The following DPH1 variants were observed in gnomAD, a reference collection of about 807,000 sequenced individuals.
DPH1 encodes the protein diphthamide biosynthesis 1.
A neutral mutation model predicts 55.3 loss-of-function variants in DPH1; 59 were observed. The ratio of observed to expected loss-of-function variants is 1.07; its 90% CI spans 0.87 to 1.33. DPH1 has a LOEUF of 1.33. Ranked by LOEUF, DPH1 falls within the 40% of genes most tolerant of loss-of-function variation. DPH1 has a pLI of 0.00. For missense variants in DPH1, 628 were observed against 584.8 expected (o/e 1.07, Z -0.76); for synonymous variants, 238 against 235.5 (o/e 1.01, Z -0.10).
chr17:2,041,381 G>A, intron 10 of DPH1, 100 bp from the exon 11 acceptor site: 11 of 1,510,672 alleles, frequency 7.3e-6, no homozygotes, highest in Non-Finnish European at 9.9e-6. Context: ...TGTGGCAGGG[G>A]ACAGTGTGCC....
intron 1 of DPH1, among the ~76,000 whole-genome samples, chr17:2,032,626 A>G (rs975130670): frequency 6.6e-6 from 1 of 152,234 alleles, no homozygotes; most frequent in Non-Finnish European, 1.5e-5. Context: ...AAACACTGAC[A>G]TGGAGATTTG....
At chr17:2,042,489 T>C in intron 12 of DPH1, 116 bp from the exon 13 acceptor site, 3 of 1,408,744 alleles carry the variant, frequency 2.1e-6, no homozygotes, top group Admixed American at 2.7e-5. Flanking sequence ...CCCCAGACTT[T>C]TGCCTCGATT....
intron 6 of DPH1, 49 bp downstream of exon 6, chr17:2,037,005 C>T: frequency 6.4e-7 from 1 of 1,573,250 alleles, no homozygotes; most frequent in Non-Finnish European, 8.6e-7. Flanking sequence ...TGCGTGTACC[C>T]TGGGAGGGAG....
rs1389029221 is a variant in DPH1 at position 2,042,750 on chromosome 17, G to A, written c.*164G>A. The A allele has an allele frequency of 1.9e-6, 3 of 1,603,830 alleles. No individual in the cohort carries two copies. The highest frequency in any genetic ancestry group is 2.6e-6 in the Non-Finnish European group (3 of 1,175,480). On this transcript the variant is annotated 3_prime_UTR_variant, in exon 13 of 13. Transcript: ENST00000263083. ...TGGCACAGGCACTGAACAGGCTGGG[G>A]CCTTTTGACGGCCTTCTTGGTTTCA...
chr17:2,036,648 G>A lies in DPH1; in HGVS notation c.520G>A (p.Ala174Thr), dbSNP rs781444004. ...CACCTTTCCCCCAGCCACTGCCCTT[G>A]CCCTGGTCAGCACCATTCAGTTTGT... Reference protein sequence around the residue: ...RLTFPPATALALVSTIQFVST... With the variant: ...RLTFPPATALTLVSTIQFVST... The change falls in exon 5 of 13, where the codon GCC becomes ACC. Residue 174 changes from alanine (A) to threonine (T), a missense_variant. By Grantham distance (58) the Ala-to-Thr change is moderately conservative. Transcript: ENST00000263083. The surrounding 1 kb of genome is among the most constrained non-coding windows in gnomAD (Gnocchi z 4.8). The A allele has an allele frequency of 2.5e-6, 4 of 1,614,112 alleles. No individual in the cohort carries two copies. Among genetic ancestry groups the A allele is most frequent in the Middle Eastern group, 1.6e-4 (1 of 6,062 alleles).
chr17:2,042,676 T>G lies in DPH1; in HGVS notation c.*90T>G. 6.6e-7 allele frequency: 1 copy of G among 1,526,330 alleles called. No homozygotes were observed. The highest frequency in any genetic ancestry group is 8.8e-7 in the Non-Finnish European group (1 of 1,140,274). 94.5% of individuals were successfully genotyped at this position (1,526,330 alleles called of 1,614,324 possible). A position where few individuals can be genotyped will look rare whatever the true frequency, so the allele number is the denominator to read the frequency against. ...GCAGGAGGCCGACGTTTTCTCCGCA[T>G]TGGAAGAGCCCGCCGTCTGCAGGGG... On this transcript the variant is annotated 3_prime_UTR_variant, in exon 13 of 13. Transcript: ENST00000263083.
Position 2,036,276 on chromosome 17 carries a change from C to T in DPH1, c.400+185C>T, listed in dbSNP as rs1466775297. The T allele has an allele frequency of 2.5e-6, 3 of 1,211,620 alleles. No individual in the cohort carries two copies. The highest frequency in any genetic ancestry group is 1.5e-5 in the African/African-American group (1 of 65,350). 75.1% of individuals were successfully genotyped at this position (1,211,620 alleles called of 1,614,324 possible). A position where few individuals can be genotyped will look rare whatever the true frequency, so the allele number is the denominator to read the frequency against. On this transcript the variant is annotated intron_variant, in intron 4 of 12. Transcript: ENST00000263083. The surrounding 1 kb of genome is among the most constrained non-coding windows in gnomAD (Gnocchi z 4.8). ...TTTCCTTTGGATTTGGTTGCCTTGG[C>T]AACGGTGCTCTGTCCCAGATGCAGG... is the stretch of plus-strand genomic sequence containing the variant.
In DPH1 at chr17:2,033,585, G is replaced by A; in HGVS notation, c.142G>A (p.Val48Ile). 2 of 1,614,206 alleles carry A rather than the reference G, an allele frequency of 1.2e-6. No individual in the cohort carries two copies. The highest frequency in any genetic ancestry group is 1.7e-6 in the Non-Finnish European group (2 of 1,180,038). The part of the protein sequence containing the change: ...KNPQLQAAIR[V>I]LPSNYNFEIP... ...CCCTCAGCTGCAGGCAGCAATCCGGGTCCTGCCTTCCAACTACAACTTTGA... is the reference window on the plus strand; with the variant it reads ...CCCTCAGCTGCAGGCAGCAATCCGGATCCTGCCTTCCAACTACAACTTTGA... Residue 48 changes from valine (V) to isoleucine (I), a missense_variant, in exon 2 of 13, where the codon GTC becomes ATC. Val to Ile is a conservative substitution (Grantham distance 29). Coordinates refer to ENST00000263083, the MANE Select transcript of DPH1 (RefSeq NM_001383.6).
At chr17:2,033,052 G>A (rs1224249107) in intron 1 of DPH1, among the ~76,000 whole-genome samples, 1 of 152,168 alleles carries the variant, frequency 6.6e-6, no homozygotes, top group African/African-American at 2.4e-5. Flanking sequence ...TTTAAAGGCT[G>A]GGCTTCTGGG....
In DPH1 at chr17:2,041,636, C is replaced by A. The variant is rs1388925021; in HGVS notation, c.1227+15C>A. 1 of 1,599,566 alleles carries A rather than the reference C, an allele frequency of 6.3e-7. No individual in the cohort carries two copies. ...CGCGGGGGAAGGTAGGCGGGGGCTTCCAGGAGGGAGGAGAGACCGCGCCTG... is the reference window on the plus strand; with the variant it reads ...CGCGGGGGAAGGTAGGCGGGGGCTTACAGGAGGGAGGAGAGACCGCGCCTG... On this transcript the variant is annotated intron_variant, in intron 11 of 12. Coordinates refer to ENST00000263083, the MANE Select transcript of DPH1 (RefSeq NM_001383.6).
Position 2,042,711 on chromosome 17 carries a change from A to T in DPH1, c.*125A>T. The T allele has an allele frequency of 1.9e-6, 3 of 1,555,032 alleles. No homozygotes were observed. Among genetic ancestry groups the T allele is most frequent in the Non-Finnish European group, 2.6e-6 (3 of 1,153,520 alleles). On this transcript the variant is annotated 3_prime_UTR_variant, in exon 13 of 13. Coordinates refer to ENST00000263083, the MANE Select transcript of DPH1 (RefSeq NM_001383.6). ...CCGCCGTCTGCAGGGGCCTGGAGGA[A>T]TCACTGGGGATGGTGGCACAGGCAC...
intron 3 of DPH1, 34 bp downstream of exon 3, chr17:2,033,876 C>T: frequency 6.2e-7 from 1 of 1,612,348 alleles, no homozygotes; most frequent in South Asian, 1.1e-5. Context: ...GAGGGTGAGC[C>T]AGGCTTCCCC....
Position 2,041,599 on chromosome 17 carries a change from C to A in DPH1, c.1205C>A (p.Pro402Gln). The A allele has an allele frequency of 6.2e-7, 1 of 1,607,224 alleles. No homozygotes were observed. Among genetic ancestry groups the A allele is most frequent in the Non-Finnish European group, 8.5e-7 (1 of 1,177,436 alleles). Residue 402 changes from proline to glutamine, a missense_variant, in exon 11 of 13, where the codon CCG becomes CAG. By Grantham distance (76) the Pro-to-Gln change is moderately conservative. Transcript: ENST00000263083. ...NHGQDRRPHAPGRPARGKVQE... is the reference protein window; with the variant it reads ...NHGQDRRPHAQGRPARGKVQE... Reference sequence around the variant, plus strand: ...GGCCAGGACCGCCGTCCCCACGCCCCGGGCCGGCCCGCGCGGGGGAAGGTA... The same window carrying A: ...GGCCAGGACCGCCGTCCCCACGCCCAGGGCCGGCCCGCGCGGGGGAAGGTA...
At chr17:2,039,895 G>A in intron 7 of DPH1, 72 bp downstream of exon 7, 2 of 1,601,248 alleles carry the variant, frequency 1.2e-6, no homozygotes, top group Non-Finnish European at 1.7e-6. Context: ...GTCCTCAATT[G>A]GTTGCATCCC....
intron 3 of DPH1, 22 bp downstream of exon 3, chr17:2,033,864 A>G (rs1219790036): frequency 6.2e-7 from 1 of 1,613,570 alleles, no homozygotes; most frequent in Non-Finnish European, 8.5e-7. Flanking sequence ...GGCACTGGAG[A>G]GGAGGGTGAG....
chr17:2,042,215 C>T, intron 12 of DPH1: 1 of 1,428,938 alleles, frequency 7.0e-7, no homozygotes, highest in African/African-American at 1.5e-5. Context: ...GCCCCGAGGG[C>T]GCCAGATCAG....
Position 2,040,618 on chromosome 17 carries a change from C to T in DPH1, c.1007+13C>T, listed in dbSNP as rs905500811. The T allele has an allele frequency of 1.2e-6, 2 of 1,612,564 alleles. No homozygotes were observed. The highest frequency in any genetic ancestry group is 1.7e-6 in the Non-Finnish European group (2 of 1,178,624). On this transcript the variant is annotated intron_variant, in intron 9 of 12. Coordinates refer to ENST00000263083, the MANE Select transcript of DPH1 (RefSeq NM_001383.6). ...CTGAGGTGGATGTGTGAGTATCTGCCTGGCTATGACTGGCTAAAGAAGCTT... is the reference window on the plus strand; with the variant it reads ...CTGAGGTGGATGTGTGAGTATCTGCTTGGCTATGACTGGCTAAAGAAGCTT...
intron 1 of DPH1, 49 bp downstream of exon 1, chr17:2,030,279 G>T (rs2067313323): frequency 5.2e-6 from 8 of 1,533,360 alleles, no homozygotes; most frequent in Non-Finnish European, 6.2e-6. Flanking sequence ...TCGGGGCGGG[G>T]CCCCCAAGTT....
Position 2,041,771 on chromosome 17 carries a change from C to T in DPH1, c.1231C>T (p.Gln411Ter), listed in dbSNP as rs762593458. The change falls in exon 12 of 13, where the codon CAG (glutamine) becomes TAG (stop). Residue 411 changes from glutamine to a stop codon, truncating the protein, a stop_gained. Transcript: ENST00000263083. LOFTEE classifies it high-confidence loss of function. ...TAACCAAAGTCTGCGACCTCAGGTG[C>T]AGGAGGGGTCCGCGCGTCCCCCTTC... ...APGRPARGKV[Q>*]EGSARPPSAV... 4 of 1,604,544 alleles carry T rather than the reference C, an allele frequency of 2.5e-6. No individual in the cohort carries two copies. The highest frequency in any genetic ancestry group is 3.4e-6 in the Non-Finnish European group (4 of 1,176,168).
Sources: allele counts gnomAD v4.1 joint callset (sites outside exome capture counted in the v4.1 genomes callset), GRCh38; gene constraint gnomAD v4.1.1; non-coding constraint Gnocchi (gnomAD v3.1); transcripts MANE v1.5; gene names NCBI Gene and HGNC (gene_info 2026-07-23, HGNC 2026-07-21).